WDTC1: variants seen among roughly 807,000 people sequenced by gnomAD.
WDTC1 encodes WD and tetratricopeptide repeats protein 1.
In WDTC1, 12 loss-of-function variants were observed where a neutral mutation model predicts 76.0. The ratio of observed to expected loss-of-function variants is 0.16; its 90% confidence interval spans 0.10 to 0.26. The LOEUF (loss-of-function observed/expected upper bound fraction) is 0.26. Among genes scored for constraint, WDTC1 ranks in the 10% least tolerant of loss-of-function variants. The pLI is 1.00. For synonymous variants in WDTC1, 326 were observed against 350.8 expected (o/e 0.93, Z 0.79); for missense variants, 511 against 908.8 (o/e 0.56, Z 5.63).
At position 27,282,267 on chromosome 1, in the gene WDTC1, A is replaced by G. The variant is rs2013210061; in HGVS notation, c.161A>G (p.Glu54Gly). 6.2e-7 allele frequency: 1 copy of G among 1,613,676 alleles called. No individual in the cohort carries two copies. Residue 54 changes from glutamate to glycine, a missense_variant, in exon 4 of 16, where the codon GAG becomes GGG. Coordinates refer to ENST00000319394, the MANE Select transcript of WDTC1 (RefSeq NM_001276252.2). Reference sequence around the variant, plus strand: ...CACTCAGGATGTGTCAACTGTCTGGAGTGGAATGAGAAAGGAGAGTAAGTA... The same window carrying G: ...CACTCAGGATGTGTCAACTGTCTGGGGTGGAATGAGAAAGGAGAGTAAGTA... Reference protein sequence around the residue: ...QGHSGCVNCLEWNEKGDLLAS... With the variant: ...QGHSGCVNCLGWNEKGDLLAS...
chr1:27,306,063 T>G lies in WDTC1; in HGVS notation c.1837-123T>G. ...CCTCCACCATATACACCTCCTGGCA[T>G]GTATGTGTACCTCCCCCTATAGATA... is the stretch of plus-strand genomic sequence containing the variant. On this transcript the variant is annotated intron_variant, in intron 15 of 15. Coordinates refer to ENST00000319394, the MANE Select transcript of WDTC1 (RefSeq NM_001276252.2). The surrounding 1 kb of genome is among the most constrained non-coding windows in gnomAD (Gnocchi z 5.0). The G allele has an allele frequency of 9.3e-7, 1 of 1,077,262 alleles. No homozygotes were observed. The highest frequency in any genetic ancestry group is 1.4e-6 in the Non-Finnish European group (1 of 739,730). 66.7% of individuals were successfully genotyped at this position (1,077,262 alleles called of 1,614,324 possible).
At chr1:27,293,917 C>T in intron 7 of WDTC1, 105 bp from the exon 8 acceptor site, 1 of 1,075,338 alleles carries the variant, frequency 9.3e-7, no homozygotes, top group Middle Eastern at 2.1e-4. Flanking sequence ...AAAATACCTC[C>T]TGTATGTCTC....
In WDTC1 at chr1:27,260,939, T is replaced by C; in HGVS notation, c.-99-17T>C. 1 of 1,195,662 alleles carries C rather than the reference T, an allele frequency of 8.4e-7. No individual in the cohort carries two copies. Among genetic ancestry groups the C allele is most frequent in the South Asian group, 1.4e-5 (1 of 73,776 alleles). 74.1% of individuals were successfully genotyped at this position (1,195,662 alleles called of 1,614,324 possible). A position where few individuals can be genotyped will look rare whatever the true frequency, so the allele number is the denominator to read the frequency against. ...TTATTATCCATCCTCCAAAGTTTGATGATTTTTTTCCCCCAGGTAATTAAA... is the reference window on the plus strand; with the variant it reads ...TTATTATCCATCCTCCAAAGTTTGACGATTTTTTTCCCCCAGGTAATTAAA... On this transcript the variant is annotated splice_polypyrimidine_tract_variant and intron_variant, in intron 1 of 15. Coordinates refer to ENST00000319394, the MANE Select transcript of WDTC1 (RefSeq NM_001276252.2).
Position 27,296,310 on chromosome 1 carries a change from C to T in WDTC1, c.874-16C>T, listed in dbSNP as rs78037021. 1.2e-6 allele frequency: 2 copies of T among 1,613,024 alleles called. No individual in the cohort carries two copies. The highest frequency in any genetic ancestry group is 1.1e-5 in the South Asian group (1 of 91,008). ...CTCACAGCTTCCATCTCTTTTTTTG[C>T]CCCCCTCAACTCTAGGTCTATTTGT... On this transcript the variant is annotated splice_polypyrimidine_tract_variant and intron_variant, in intron 9 of 15. Transcript: ENST00000319394.
At chr1:27,276,128 G>C (rs754891822) in intron 3 of WDTC1, among the ~76,000 whole-genome samples, 7 of 152,168 alleles carry the variant, frequency 4.6e-5, no homozygotes, top group African/African-American at 1.7e-4. Context: ...TTCATCAGTT[G>C]GTGGAACATG....
At chr1:27,268,074 C>G (rs982198457) in intron 3 of WDTC1, among the ~76,000 whole-genome samples, 1 of 152,160 alleles carries the variant, frequency 6.6e-6, no homozygotes, top group Non-Finnish European at 1.5e-5. Flanking sequence ...TATCATACTC[C>G]TTCTGTCTTA....
rs532281245 is a variant in WDTC1, at chr1:27,294,399, A to G, written c.758-115A>G. The stretch of plus-strand genomic sequence containing the variant: ...CATATAGTAAGGGCTCAACACTTGT[A>G]GCTGCTTTTATGCTAAAGTTGATTG... On this transcript the variant is annotated intron_variant, in intron 8 of 15. Transcript: ENST00000319394. 107 of 928,192 alleles carry G rather than the reference A, an allele frequency of 1.2e-4. 1 individual carries two copies. Among genetic ancestry groups the G allele is most frequent in the Admixed American group, 1.7e-4 (8 of 46,756 alleles). The allele number at this position is 928,192 out of a possible 1,614,324, so 57.5% of individuals were successfully genotyped here. A position where few individuals can be genotyped will look rare whatever the true frequency, so the allele number is the denominator to read the frequency against.
At position 27,307,459 on chromosome 1, in the gene WDTC1, TGCCCCCG is replaced by T. The variant is rs1557513833; in HGVS notation, c.*1079_*1085del. 6.5e-6 allele frequency: 1 copy of T among 153,898 alleles called. No individual in the cohort carries two copies. Among genetic ancestry groups the T allele is most frequent in the African/African-American group, 2.4e-5 (1 of 41,370 alleles). The allele number at this position is 153,898 out of a possible 1,614,324, so 9.5% of individuals were successfully genotyped here. A position where few individuals can be genotyped will look rare whatever the true frequency, so the allele number is the denominator to read the frequency against. ...CACTCACCAGGCCTCTCCTCCCCTCTGCCCCCGGCTCTTAGCTCCAGCTGCTCCAGGT... is the reference window on the plus strand; with the variant it reads ...CACTCACCAGGCCTCTCCTCCCCTCTGCTCTTAGCTCCAGCTGCTCCAGGT... On this transcript the variant is annotated 3_prime_UTR_variant, in exon 16 of 16. Coordinates refer to ENST00000319394, the MANE Select transcript of WDTC1 (RefSeq NM_001276252.2). The surrounding 1 kb of genome is among the most constrained non-coding windows in gnomAD (Gnocchi z 4.1).
intron 12 of WDTC1, among the ~76,000 whole-genome samples, chr1:27,300,397 A>G (rs568653984): frequency 1.3e-5 from 2 of 152,102 alleles, no homozygotes; most frequent in African/African-American, 2.4e-5. Flanking sequence ...ACAAGAGGCA[A>G]GGACAGGTCT....
chr1:27,294,062 T>C lies in WDTC1; in HGVS notation c.703T>C (p.Phe235Leu), dbSNP rs1163874942. ...KQSPSAGVHT[F>L]CDRQKPLPDG... ...GAGCCCTTCAGCGGGTGTGCACACC[T>C]TCTGTGACCGGCAGAAACCCCTTCC... is the stretch of plus-strand genomic sequence containing the variant. Residue 235 changes from phenylalanine to leucine, a missense_variant, in exon 8 of 16, where the codon TTC (phenylalanine) becomes CTC (leucine). By Grantham distance (22) the Phe-to-Leu change is conservative. Coordinates refer to ENST00000319394, the MANE Select transcript of WDTC1 (RefSeq NM_001276252.2). The C allele has an allele frequency of 6.2e-7, 1 of 1,614,046 alleles. No individual in the cohort carries two copies. The highest frequency in any genetic ancestry group is 8.5e-7 in the Non-Finnish European group (1 of 1,180,024).
chr1:27,277,376 C>T (rs966889077), intron 3 of WDTC1, among the ~76,000 whole-genome samples: 21 of 152,130 alleles, frequency 1.4e-4, no homozygotes, highest in Non-Finnish European at 2.6e-4. Context: ...AGGTAAGGAT[C>T]CAACTTCATT....
chr1:27,292,368 C>T lies in WDTC1; in HGVS notation c.633C>T (p.Leu211=), dbSNP rs763310517. ...AVGASGPFVR[L]YDIRMIHNHR... is the part of the protein sequence containing the mutation. ...GGGCCAGCGGGCCCTTCGTGAGGCT[C>T]TATGACATCCGCATGATCCATAACC... is the stretch of plus-strand genomic sequence containing the variant. The change falls in exon 7 of 16, where the codon CTC becomes CTT. Residue 211 remains leucine, a synonymous_variant. Coordinates refer to ENST00000319394, the MANE Select transcript of WDTC1 (RefSeq NM_001276252.2). The T allele has an allele frequency of 1.2e-6, 2 of 1,609,528 alleles. No homozygotes were observed. Among genetic ancestry groups the T allele is most frequent in the South Asian group, 1.1e-5 (1 of 90,284 alleles).
At chr1:27,234,519 T>TG (rs1033142749), upstream of WDTC1, 14 of 341,726 alleles carry the variant, frequency 4.1e-5, no homozygotes, top group African/African-American at 8.6e-5. Flanking sequence ...GGGGGGTAAG[T>TG]GGGGGGGCCC....
rs966586394 is a variant in WDTC1, at chr1:27,242,461, A to T, written c.-100+7510A>T. ...ATTCCAGCCTGGGGAACAGAGCTAG[A>T]CCCTGTCTCTTTTTTTTTTGAGACG... On this transcript the variant is annotated intron_variant, in intron 1 of 15. Transcript: ENST00000319394. Among the ~76,000 whole-genome samples, 3 of 150,822 alleles carry T rather than the reference A, an allele frequency of 2.0e-5. No individual in the cohort carries two copies. The East Asian group carries it at 5.9e-4, about 29-fold the overall frequency.
chr1:27,256,493 C>T (rs893268718), intron 1 of WDTC1, among the ~76,000 whole-genome samples: 3 of 152,174 alleles, frequency 2.0e-5, no homozygotes, highest in Admixed American at 1.3e-4. Flanking sequence ...ATATAAGAAG[C>T]GTTCAAATGC....
At chr1:27,299,470 C>G (rs890173077) in intron 12 of WDTC1, among the ~76,000 whole-genome samples, 7 of 150,070 alleles carry the variant, frequency 4.7e-5, no homozygotes, top group Non-Finnish European at 1.0e-4. Flanking sequence ...CAGGCTTAGA[C>G]AGGAGATGAA....
At chr1:27,272,882 C>T (rs1011596007) in intron 3 of WDTC1, among the ~76,000 whole-genome samples, 29 of 152,258 alleles carry the variant, frequency 1.9e-4, no homozygotes, top group African/African-American at 6.3e-4. Context: ...ACACCCCAGC[C>T]TGGGCAACCC....
chr1:27,290,888 A>G (rs1029080088), intron 6 of WDTC1, among the ~76,000 whole-genome samples: 4 of 152,232 alleles, frequency 2.6e-5, no homozygotes, highest in African/African-American at 2.4e-5. Context: ...AATCCTAGCA[A>G]TCGCACTCAG....
intron 5 of WDTC1, among the ~76,000 whole-genome samples, chr1:27,286,131 G>C (rs943762152): frequency 6.8e-6 from 1 of 147,936 alleles, no homozygotes; most frequent in Non-Finnish European, 1.5e-5. Context: ...TCAACCTTCC[G>C]AGCAGCTGGG....
Sources: allele counts gnomAD v4.1 joint callset (sites outside exome capture counted in the v4.1 genomes callset), GRCh38; gene constraint gnomAD v4.1.1; non-coding constraint Gnocchi (gnomAD v3.1); transcripts MANE v1.5; gene names NCBI Gene and HGNC (gene_info 2026-07-23, HGNC 2026-07-21).